Variants in NTM observed in about 807,000 individuals in gnomAD.
The protein encoded by NTM is IgLON family member 2.
Under a neutral mutation model 42.1 loss-of-function variants are expected in NTM, and 13 were observed. That is an observed-to-expected ratio of 0.31 (90% CI 0.20 to 0.49). NTM has a LOEUF of 0.49. Ranked by LOEUF, NTM falls within the 20% of genes least tolerant of loss-of-function variation. NTM has a pLI of 0.99. For synonymous variants in NTM, 187 were observed against 179.2 expected (o/e 1.04, Z -0.35); for missense variants, 373 against 452.8 (o/e 0.82, Z 1.60).
chr11:132,206,486 C>T (rs1436647755), intron 3 of NTM, among the ~76,000 whole-genome samples: 1 of 152,222 alleles, frequency 6.6e-6, no homozygotes, highest in African/African-American at 2.4e-5. Context: ...CAATGCATTT[C>T]ATAACTTACT....
intron 1 of NTM, among the ~76,000 whole-genome samples, chr11:131,626,626 G>A (rs1394302031): frequency 6.6e-6 from 1 of 152,156 alleles, no homozygotes; most frequent in Non-Finnish European, 1.5e-5. Flanking sequence ...ATGGGCAAAA[G>A]GGGAAAACAG....
intron 2 of NTM, among the ~76,000 whole-genome samples, chr11:132,016,876 T>C (rs1231509252): frequency 6.6e-6 from 1 of 152,024 alleles, no homozygotes; most frequent in Non-Finnish European, 1.5e-5. Context: ...GGTTTTAATT[T>C]GCATTCTGTT....
intron 1 of NTM, among the ~76,000 whole-genome samples, chr11:131,408,407 A>G (rs903213848): frequency 1.3e-5 from 2 of 152,242 alleles, no homozygotes; most frequent in Admixed American, 1.3e-4. Context: ...GGAGAGGCAG[A>G]GTAGGGGTGA....
chr11:132,325,477 A>C (rs533321976), intron 7 of NTM, among the ~76,000 whole-genome samples: 4,227 of 152,278 alleles, frequency 0.028, 210 homozygotes, highest in African/African-American at 0.096. Flanking sequence ...ATACCATCTC[A>C]CACCAGTTAG....
chr11:131,433,461 T>A (rs1948855125), intron 1 of NTM, among the ~76,000 whole-genome samples: 1 of 152,170 alleles, frequency 6.6e-6, no homozygotes, highest in South Asian at 2.1e-4. Flanking sequence ...CTCCAGGGCC[T>A]CATGACTTTT....
intron 2 of NTM, among the ~76,000 whole-genome samples, chr11:132,098,731 C>A (rs2061316671): frequency 6.6e-6 from 1 of 152,250 alleles, no homozygotes; most frequent in Admixed American, 6.5e-5. Context: ...CTTGTAGCAT[C>A]TCTATGTGAA....
chr11:131,384,794 T>A (rs1943111809), intron 1 of NTM, among the ~76,000 whole-genome samples: 1 of 152,202 alleles, frequency 6.6e-6, no homozygotes, highest in African/African-American at 2.4e-5. Flanking sequence ...TGCATTATGA[T>A]TAGATTCAGC....
intron 2 of NTM, among the ~76,000 whole-genome samples, chr11:131,963,746 A>G (rs187211098): frequency 8.7e-4 from 132 of 152,352 alleles, no homozygotes; most frequent in African/African-American, 3.1e-3. Context: ...CAAAATAATA[A>G]TGATGACAGC....
At chr11:132,218,341 C>CTTG (rs2084375881) in intron 4 of NTM, among the ~76,000 whole-genome samples, 1 of 152,210 alleles carries the variant, frequency 6.6e-6, no homozygotes, top group Admixed American at 6.5e-5. Flanking sequence ...CTAGACAACT[C>CTTG]TTGGAATCTC....
At chr11:132,242,795 G>C (rs1185807130) in intron 4 of NTM, among the ~76,000 whole-genome samples, 1 of 152,168 alleles carries the variant, frequency 6.6e-6, no homozygotes, top group Non-Finnish European at 1.5e-5. Context: ...ATAAAATTTT[G>C]AGCTTGGAAA....
rs138994444 is a variant in NTM, at chr11:131,956,195, T to C, written c.167+44547T>C. 5.0e-3 allele frequency among the ~76,000 whole-genome samples: 757 copies of C among 152,322 alleles called. 3 individuals carry two copies. Among genetic ancestry groups the C allele is most frequent in the Non-Finnish European group, 7.0e-3 (476 of 68,034 alleles). Reference sequence around the variant, plus strand: ...GCGCAGAGACGTGGGGAATGCCACGTGCTGATTTCTTTTCTGCTCTGGGCA... The same window carrying C: ...GCGCAGAGACGTGGGGAATGCCACGCGCTGATTTCTTTTCTGCTCTGGGCA... On this transcript the variant is annotated intron_variant, in intron 2 of 8. Coordinates refer to ENST00000683400, the MANE Select transcript of NTM (RefSeq NM_001352005.2).
intron 1 of NTM, among the ~76,000 whole-genome samples, chr11:131,420,056 C>T (rs535961556): frequency 5.9e-5 from 9 of 152,224 alleles, no homozygotes; most frequent in Admixed American, 2.6e-4. Flanking sequence ...TGGCGTTTCA[C>T]GAGTGATGGT....
At chr11:132,165,593 T>C (rs1048162456) in intron 3 of NTM, among the ~76,000 whole-genome samples, 1 of 152,166 alleles carries the variant, frequency 6.6e-6, no homozygotes, top group Non-Finnish European at 1.5e-5. Context: ...AGGTAGTAGA[T>C]ATGAGTGTGA....
Position 131,746,156 on chromosome 11 carries a change from G to A in NTM, c.83-165408G>A, listed in dbSNP as rs11222767. On this transcript the variant is annotated intron_variant, in intron 1 of 8. Transcript: ENST00000683400. Reference sequence around the variant, plus strand: ...TGCCATGGATATAATCAGAAGGACCGTGAAGGTAGATGTGGTGGGGAAAAC... The same window carrying A: ...TGCCATGGATATAATCAGAAGGACCATGAAGGTAGATGTGGTGGGGAAAAC... Among the ~76,000 whole-genome samples, 6 of 152,198 alleles carry A rather than the reference G, an allele frequency of 3.9e-5. No homozygotes were observed. In the East Asian group the frequency reaches 9.7e-4, roughly 25 times the overall value.
rs751673931 is a variant in NTM at position 132,307,742 on chromosome 11, G to A, written c.580G>A (p.Glu194Lys). The change falls in exon 5 of 9, where the codon GAG (glutamate) becomes AAG (lysine). Residue 194 changes from glutamate (E) to lysine (K), a missense_variant. Physicochemically the swap from Glu to Lys is moderately conservative, Grantham distance 56. This residue lies in a region of NTM where 312 missense variants were observed against 353.5 expected (regional missense o/e 0.88). Coordinates refer to ENST00000683400, the MANE Select transcript of NTM (RefSeq NM_001352005.2). ...EYLEIQGITREQSGDYECSAS... is the reference protein window; with the variant it reads ...EYLEIQGITRKQSGDYECSAS... Reference sequence around the variant, plus strand: ...CTTGGAAATTCAGGGCATCACCAGGGAGCAGTCAGGGGACTACGAGTGCAG... The same window carrying A: ...CTTGGAAATTCAGGGCATCACCAGGAAGCAGTCAGGGGACTACGAGTGCAG... The A allele has an allele frequency of 2.5e-6, 4 of 1,614,208 alleles. No individual in the cohort carries two copies. Among genetic ancestry groups the A allele is most frequent in the Non-Finnish European group, 3.4e-6 (4 of 1,180,034 alleles).
At chr11:131,586,990 T>C (rs1220698241) in intron 1 of NTM, among the ~76,000 whole-genome samples, 1 of 152,080 alleles carries the variant, frequency 6.6e-6, no homozygotes, top group African/African-American at 2.4e-5. Flanking sequence ...GATGCTCAAT[T>C]GGGAGGCTAC....
intron 1 of NTM, among the ~76,000 whole-genome samples, chr11:131,632,808 G>A (rs2063796602): frequency 6.7e-6 from 1 of 149,780 alleles, no homozygotes; most frequent in Non-Finnish European, 1.5e-5. Context: ...CCGTGTAGCT[G>A]GGACTACAGG....
chr11:132,070,155 A>C (rs1196744013), intron 2 of NTM, among the ~76,000 whole-genome samples: 18 of 131,754 alleles, frequency 1.4e-4, no homozygotes, highest in Middle Eastern at 5.1e-3. Context: ...TAACACGTCA[A>C]ACTGACCGTC....
chr11:131,792,510 T>C (rs1481630437), intron 1 of NTM, among the ~76,000 whole-genome samples: 1 of 152,060 alleles, frequency 6.6e-6, no homozygotes, highest in African/African-American at 2.4e-5. Flanking sequence ...GGTGTTCGAG[T>C]CCCACAATAA....
Sources: gnomAD v4.1 joint callset for allele counts (sites outside exome capture counted in the v4.1 genomes callset) on GRCh38, gnomAD v4.1.1 for gene constraint, gnomAD v4.1.1 regional missense constraint, MANE v1.5 for transcripts, NCBI Gene and HGNC (gene_info 2026-07-23, HGNC 2026-07-21) for gene names.